The following DLG5 variants were observed in gnomAD, a reference collection of about 807,000 sequenced individuals.
DLG5 encodes disks large homolog 5.
A neutral mutation model predicts 189.8 loss-of-function variants in DLG5; 48 were observed. The observed-to-expected ratio is 0.25, with a 90% confidence interval of 0.20 to 0.32. The LOEUF (loss-of-function observed/expected upper bound fraction) is 0.32, where lower values mean the gene tolerates loss of function less well. Ranked by LOEUF, DLG5 falls within the 10% of genes least tolerant of loss-of-function variation. DLG5 has a pLI of 1.00. For missense variants in DLG5, 2,160 were observed against 2,544.7 expected (o/e 0.85, Z 3.25); for synonymous variants, 1,016 against 1,054.1 (o/e 0.96, Z 0.70).
chr10:77,816,442 C>A, intron 20 of DLG5, 109 bp downstream of exon 20: 1 of 1,523,368 alleles, frequency 6.6e-7, no homozygotes, highest in Admixed American at 1.7e-5. Context: ...GACACTCAAG[C>A]TACTCCTGCT....
At chr10:77,852,386 T>A (rs1844022679) in intron 5 of DLG5, among the ~76,000 whole-genome samples, 3 of 151,464 alleles carry the variant, frequency 2.0e-5, no homozygotes, top group African/African-American at 7.3e-5. Flanking sequence ...AATAAATAAA[T>A]AAAATAACAG....
At chr10:77,853,631 C>T (rs1006963928) in intron 4 of DLG5, 94 bp from the exon 5 acceptor site, 2 of 1,281,824 alleles carry the variant, frequency 1.6e-6, no homozygotes, top group Non-Finnish European at 1.0e-6. Context: ...CCAACACTTC[C>T]CGTAGATACA....
chr10:77,878,040 A>G (rs1845160235), intron 1 of DLG5, among the ~76,000 whole-genome samples: 1 of 152,210 alleles, frequency 6.6e-6, no homozygotes, highest in Non-Finnish European at 1.5e-5. Context: ...AACAGGCAGG[A>G]AGCAGCTCTC....
rs1844789847 is a variant in DLG5 at position 77,868,827 on chromosome 10, T to C, written c.373+302A>G. On this transcript the variant is annotated intron_variant, in intron 2 of 31. Transcript: ENST00000372391. ...TCCTGGGCAGTGGTCACTGAGTTAC[T>C]ACAAGGCCTTTGGGGTTGGGGTGGG... The C allele has an allele frequency of 1.6e-5, 7 of 434,498 alleles. No homozygotes were observed. The East Asian group carries it at 3.7e-4, about 23-fold the overall frequency. The allele number at this position is 434,498 out of a possible 1,614,324, so 26.9% of individuals were successfully genotyped here. A position where few individuals can be genotyped will look rare whatever the true frequency, so the allele number is the denominator to read the frequency against.
At chr10:77,918,351 T>C (rs1266411304) in intron 1 of DLG5, among the ~76,000 whole-genome samples, 5 of 151,292 alleles carry the variant, frequency 3.3e-5, no homozygotes, top group Admixed American at 2.0e-4. Flanking sequence ...AGGCGAAGGT[T>C]GCATGAGCCG....
Position 77,834,024 on chromosome 10 carries a change from G to T in DLG5, c.1638C>A (p.Asn546Lys). Residue 546 changes from asparagine (N) to lysine (K), a missense_variant, in exon 9 of 32, where the codon AAC becomes AAA. Transcript: ENST00000372391. ...CCGCACGGTCCCGCTCCCGCCTCAG[G>T]TTGTCACACAGTGTCCTGGTGGAAG... ...ERDSIRTLCDNLRRERDRAVS... is the reference protein window; with the variant it reads ...ERDSIRTLCDKLRRERDRAVS... 1 of 1,609,744 alleles carries T rather than the reference G, an allele frequency of 6.2e-7. No homozygotes were observed. Among genetic ancestry groups the T allele is most frequent in the Non-Finnish European group, 8.5e-7 (1 of 1,179,828 alleles).
chr10:77,869,426 G>T (rs1004177475), intron 1 of DLG5: 4 of 504,758 alleles, frequency 7.9e-6, no homozygotes, highest in Non-Finnish European at 1.4e-5. Flanking sequence ...GGGCAGGCGG[G>T]CAGAGGGGAA....
At chr10:77,930,091 G>A (rs994685561), upstream of DLG5, among the ~76,000 whole-genome samples, 13 of 152,076 alleles carry the variant, frequency 8.5e-5, no homozygotes. Context: ...TATAATCTGT[G>A]TATCCCTCTC....
At chr10:77,917,368 G>A (rs1236138691) in intron 1 of DLG5, among the ~76,000 whole-genome samples, 1 of 151,382 alleles carries the variant, frequency 6.6e-6, no homozygotes, top group Non-Finnish European at 1.5e-5. Context: ...ACAAAAAAAG[G>A]AGCTGGGTGT....
intron 1 of DLG5, among the ~76,000 whole-genome samples, chr10:77,921,821 G>A (rs1429147306): frequency 6.6e-6 from 1 of 152,206 alleles, no homozygotes; most frequent in African/African-American, 2.4e-5. Context: ...GTAAAGAGGA[G>A]GCACAGGAGG....
chr10:77,925,078 T>C (rs1374783223), intron 1 of DLG5, among the ~76,000 whole-genome samples: 3 of 152,242 alleles, frequency 2.0e-5, no homozygotes, highest in Non-Finnish European at 4.4e-5. Flanking sequence ...ACCTATCGAT[T>C]CACTGTTAAA....
intron 1 of DLG5, among the ~76,000 whole-genome samples, chr10:77,895,964 T>G (rs896870225): frequency 5.3e-5 from 8 of 152,184 alleles, no homozygotes; most frequent in Non-Finnish European, 1.2e-4. Context: ...CCCCTTTTGA[T>G]GTGGGGTCAC....
chr10:77,911,244 C>T (rs1846212189), intron 1 of DLG5, among the ~76,000 whole-genome samples: 1 of 152,098 alleles, frequency 6.6e-6, no homozygotes, highest in South Asian at 2.1e-4. Context: ...CCTCCCACCT[C>T]AGTCTCCCAA....
chr10:77,820,705 A>G (rs150588543), intron 15 of DLG5: 194 of 243,742 alleles, frequency 8.0e-4, no homozygotes, highest in African/African-American at 4.0e-3. Context: ...TCTGGAAACT[A>G]TGACAGCACA....
chr10:77,874,635 T>A (rs764445236), intron 1 of DLG5, among the ~76,000 whole-genome samples: 15 of 152,220 alleles, frequency 9.9e-5, no homozygotes, highest in Non-Finnish European at 2.1e-4. Context: ...TTGGGTCCTA[T>A]CCCCAAGATA....
In DLG5 at chr10:77,926,559, C is replaced by G; in HGVS notation, c.-39G>C. 1.6e-6 allele frequency: 2 copies of G among 1,219,462 alleles called. No individual in the cohort carries two copies. The highest frequency in any genetic ancestry group is 8.1e-5 in the South Asian group (2 of 24,640). The allele number at this position is 1,219,462 out of a possible 1,614,324, so 75.5% of individuals were successfully genotyped here. ...GCCGCCCCGCCCCGCCGGACGCCTC[C>G]CGGGCCCCCCGAGGCCGGCGGGCGG... On this transcript the variant is annotated 5_prime_UTR_variant, in exon 1 of 32. Transcript: ENST00000372391. The surrounding 1 kb of genome is among the most constrained non-coding windows in gnomAD (Gnocchi z 5.2).
At chr10:77,813,276 G>A (rs938741329) in intron 20 of DLG5, among the ~76,000 whole-genome samples, 4 of 152,194 alleles carry the variant, frequency 2.6e-5, no homozygotes, top group African/African-American at 9.7e-5. Context: ...GGCCAGTCCA[G>A]GTCCCCTCTA....
chr10:77,873,202 C>T (rs1234698475), intron 1 of DLG5, among the ~76,000 whole-genome samples: 2 of 152,024 alleles, frequency 1.3e-5, no homozygotes, highest in Admixed American at 6.5e-5. Context: ...TGGGCCAGAG[C>T]GTGATATAAG....
In DLG5 at chr10:77,821,587, T is replaced by C; in HGVS notation, c.2897A>G (p.Lys966Arg). 1 of 1,613,046 alleles carries C rather than the reference T, an allele frequency of 6.2e-7. No individual in the cohort carries two copies. The highest frequency in any genetic ancestry group is 8.5e-7 in the Non-Finnish European group (1 of 1,180,026). ...AAAGATGGACTTTCTTTGCTTTGGC[T>C]TTTTATAAACAGAGAGCTTCTCAGG... ...AVPEKLSVYK[K>R]PKQRKSIFDP... Residue 966 changes from lysine to arginine, a missense_variant, in exon 15 of 32, where the codon AAG becomes AGG. Lys to Arg is a conservative substitution (Grantham distance 26). Coordinates refer to ENST00000372391, the MANE Select transcript of DLG5 (RefSeq NM_004747.4).
Sources: allele counts gnomAD v4.1 joint callset (sites outside exome capture counted in the v4.1 genomes callset), GRCh38; gene constraint gnomAD v4.1.1; non-coding constraint Gnocchi (gnomAD v3.1); transcripts MANE v1.5; gene names NCBI Gene and HGNC (gene_info 2026-07-23, HGNC 2026-07-21).